The following CRACDL variants were observed in gnomAD, a reference collection of about 807,000 sequenced individuals.
CRACDL encodes the protein CRACD like.
Under a neutral mutation model 70.6 loss-of-function variants are expected in CRACDL, and 26 were observed. The observed-to-expected ratio is 0.37, with a 90% confidence interval of 0.27 to 0.51. The LOEUF is 0.51. CRACDL is among the 20% of genes least tolerant of loss of function. The pLI is 0.94. For missense variants in CRACDL, 1,283 were observed against 1,376.9 expected, an observed-to-expected ratio of 0.93 and a Z score of 1.08; for synonymous variants, 618 against 615.2, an observed-to-expected ratio of 1.00 and a Z score of -0.07.
At chr2:98,800,074 C>T (rs1315963256) in intron 7 of CRACDL, among the ~76,000 whole-genome samples, 2 of 152,202 alleles carry the variant, frequency 1.3e-5, no homozygotes, top group Non-Finnish European at 2.9e-5. Flanking sequence ...AGCCAGAGCC[C>T]AGCATTTCTA....
intron 7 of CRACDL, among the ~76,000 whole-genome samples, chr2:98,818,091 T>C (rs1479253728): frequency 6.6e-6 from 1 of 152,220 alleles, no homozygotes; most frequent in African/African-American, 2.4e-5. Context: ...ATTTAGACTC[T>C]GGGATGGATT....
intron 7 of CRACDL, among the ~76,000 whole-genome samples, chr2:98,797,765 C>T (rs1377147083): frequency 1.3e-5 from 2 of 152,056 alleles, no homozygotes; most frequent in Admixed American, 6.5e-5. Context: ...TCTATAGGGT[C>T]GGTGTGTACT....
intron 1 of CRACDL, among the ~76,000 whole-genome samples, chr2:98,930,761 C>A (rs756091594): frequency 7.2e-5 from 11 of 152,178 alleles, no homozygotes; most frequent in Non-Finnish European, 1.5e-4. Context: ...GCCATCAGAT[C>A]TCAGTTATGG....
chr2:98,832,495 A>G lies in CRACDL; in HGVS notation c.393T>C (p.Asn131=), dbSNP rs765361065. Reference sequence around the variant, plus strand: ...GAGGAGGTGGTGGCCCCATTTTCACATTACACTGTATTTTTAACTAGATTG... The same window carrying G: ...GAGGAGGTGGTGGCCCCATTTTCACGTTACACTGTATTTTTAACTAGATTG... ...IKALQLKIQC[N]VKMGPPPPPG... is the part of the protein sequence containing the mutation. Residue 131 remains asparagine (N), a synonymous_variant, in exon 5 of 10, where the codon AAT becomes AAC. Coordinates refer to ENST00000397899, the MANE Select transcript of CRACDL (RefSeq NM_207362.3). 1.2e-6 allele frequency: 2 copies of G among 1,600,554 alleles called. No individual in the cohort carries two copies. Among genetic ancestry groups the G allele is most frequent in the Non-Finnish European group, 1.7e-6 (2 of 1,173,540 alleles).
intron 1 of CRACDL, among the ~76,000 whole-genome samples, chr2:98,913,360 A>G (rs774806214): frequency 3.3e-5 from 5 of 152,128 alleles, no homozygotes; most frequent in Non-Finnish European, 5.9e-5. Context: ...AGAGCTGGCA[A>G]AGCTACTCAG....
intron 7 of CRACDL, among the ~76,000 whole-genome samples, chr2:98,801,926 C>A (rs1276342315): frequency 6.6e-6 from 1 of 152,216 alleles, no homozygotes; most frequent in Non-Finnish European, 1.5e-5. Context: ...TCAAACCTTA[C>A]CCTGGAGCTT....
At chr2:98,831,697 C>A (rs570908946) in intron 5 of CRACDL, among the ~76,000 whole-genome samples, 1 of 152,196 alleles carries the variant, frequency 6.6e-6, no homozygotes, top group Non-Finnish European at 1.5e-5. Context: ...GTGGCAGCAT[C>A]GCGAGCTATG....
chr2:98,905,742 C>A (rs13024838), intron 1 of CRACDL, among the ~76,000 whole-genome samples: 13 of 151,654 alleles, frequency 8.6e-5, no homozygotes, highest in Admixed American at 8.5e-4. Flanking sequence ...CTCATCCTCC[C>A]GAGTAGCTGG....
intron 1 of CRACDL, among the ~76,000 whole-genome samples, chr2:98,902,503 G>A (rs1573175295): frequency 6.6e-6 from 1 of 152,126 alleles, no homozygotes; most frequent in South Asian, 2.1e-4. Flanking sequence ...GGGTGTCAGG[G>A]GCTCCTGAGC....
intron 1 of CRACDL, among the ~76,000 whole-genome samples, chr2:98,901,701 G>C (rs898002566): frequency 6.6e-6 from 1 of 152,156 alleles, no homozygotes; most frequent in Admixed American, 6.5e-5. Context: ...TCTGGGATAG[G>C]GCCTCTTTGT....
At chr2:98,797,658 G>T in intron 7 of CRACDL, 121 bp from the exon 8 acceptor site, 1 of 866,894 alleles carries the variant, frequency 1.2e-6, no homozygotes, top group African/African-American at 1.7e-5. Context: ...GTCTGGGAGA[G>T]GATTACTTTC....
At chr2:98,870,866 C>G (rs2104597048) in intron 1 of CRACDL, among the ~76,000 whole-genome samples, 1 of 152,340 alleles carries the variant, frequency 6.6e-6, no homozygotes, top group Admixed American at 6.5e-5. Context: ...GCCCAGCATA[C>G]AGGTCATGCC....
chr2:98,934,493 C>A (rs1709160922), intron 1 of CRACDL, among the ~76,000 whole-genome samples: 1 of 152,192 alleles, frequency 6.6e-6, no homozygotes, highest in Non-Finnish European at 1.5e-5. Context: ...TCGCGCCCAG[C>A]CAAGATTCAT....
intron 5 of CRACDL, among the ~76,000 whole-genome samples, chr2:98,831,190 G>A (rs1175898346): frequency 6.6e-6 from 1 of 152,122 alleles, no homozygotes; most frequent in Non-Finnish European, 1.5e-5. Flanking sequence ...GAATGAGCAG[G>A]GACAGCTTCG....
At chr2:98,810,974 A>C (rs988826825) in intron 7 of CRACDL, among the ~76,000 whole-genome samples, 2 of 152,082 alleles carry the variant, frequency 1.3e-5, no homozygotes, top group African/African-American at 4.8e-5. Flanking sequence ...CTGATATAAA[A>C]AAAAAAAAAA....
At chr2:98,872,225 G>A in intron 1 of CRACDL, among the ~76,000 whole-genome samples, 1 of 152,204 alleles carries the variant, frequency 6.6e-6, no homozygotes, top group Non-Finnish European at 1.5e-5. Context: ...GGGCGTGGTG[G>A]CACATGCCTG....
intron 1 of CRACDL, among the ~76,000 whole-genome samples, chr2:98,865,610 A>C (rs944817433): frequency 6.6e-6 from 1 of 152,104 alleles, no homozygotes; most frequent in Non-Finnish European, 1.5e-5. Context: ...AAGCAAATGG[A>C]ATGTGAAATG....
intron 1 of CRACDL, among the ~76,000 whole-genome samples, chr2:98,917,719 G>C (rs932886232): frequency 6.6e-6 from 1 of 152,178 alleles, no homozygotes; most frequent in African/African-American, 2.4e-5. Flanking sequence ...AGTGAAGTCT[G>C]GGCTTTTAGT....
intron 2 of CRACDL, among the ~76,000 whole-genome samples, chr2:98,845,001 T>A (rs1020945514): frequency 2.0e-5 from 3 of 152,142 alleles, no homozygotes; most frequent in Non-Finnish European, 4.4e-5. Flanking sequence ...TGGCTCCCCT[T>A]TATTGTAGAG....
Sources: gnomAD v4.1 joint callset for allele counts (sites outside exome capture counted in the v4.1 genomes callset) on GRCh38, gnomAD v4.1.1 for gene constraint, MANE v1.5 for transcripts, NCBI Gene and HGNC (gene_info 2026-07-23, HGNC 2026-07-21) for gene names.